The following DNAI1 variants were observed in gnomAD, a reference collection of about 807,000 sequenced individuals.
DNAI1 encodes dynein, axonemal, intermediate polypeptide 1.
A neutral mutation model predicts 92.0 loss-of-function variants in DNAI1; 67 were observed. The ratio of observed to expected loss-of-function variants is 0.73; its 90% CI spans 0.60 to 0.89. The LOEUF is 0.89. Among genes scored for constraint, DNAI1 ranks in the 40% least tolerant of loss-of-function variants. The probability of loss-of-function intolerance (pLI) is 0.00; values close to 1 mark genes in which losing one functional copy is unlikely to be tolerated. For missense variants in DNAI1, 839 were observed against 866.6 expected (o/e 0.97, Z 0.40); for synonymous variants, 323 against 319.6 (o/e 1.01, Z -0.11).
rs185722524 is a variant in DNAI1, at chr9:34,469,318, T to G, written c.48+10265T>G. ...TCCCACTCTGTCACCCAGGCTGGAG[T>G]GCAATGGCATGCTCACAGCTCACTG... is the stretch of plus-strand genomic sequence containing the variant. On this transcript the variant is annotated intron_variant, in intron 1 of 19. Transcript: ENST00000242317. Among the ~76,000 whole-genome samples, 13 of 133,312 alleles carry G rather than the reference T, an allele frequency of 9.8e-5. No individual in the cohort carries two copies. The East Asian group carries it at 3.1e-3, about 31-fold the overall frequency. The allele number at this position is 133,312 out of a possible 152,430, so 87.5% of individuals were successfully genotyped here.
chr9:34,507,192 C>T (rs926808676), intron 13 of DNAI1, among the ~76,000 whole-genome samples: 3 of 152,176 alleles, frequency 2.0e-5, no homozygotes, highest in African/African-American at 4.8e-5. Flanking sequence ...TGACAGGCTC[C>T]AGCTGAGTAC....
chr9:34,480,373 G>A lies in DNAI1; in HGVS notation c.49-3075G>A, dbSNP rs368774662. Among the ~76,000 whole-genome samples, 13 of 149,844 alleles carry A rather than the reference G, an allele frequency of 8.7e-5. No homozygotes were observed. The East Asian group carries it at 1.8e-3, about 21-fold the overall frequency. On this transcript the variant is annotated intron_variant, in intron 1 of 19. Transcript: ENST00000242317. ...GCTCACTGCAACCCCTGCCTCCTGG[G>A]TTCAAGCGATTTTCTTGCCTCAGCC...
chr9:34,473,732 G>A (rs1824184536), intron 1 of DNAI1, among the ~76,000 whole-genome samples: 1 of 151,952 alleles, frequency 6.6e-6, no homozygotes, highest in African/African-American at 2.4e-5. Flanking sequence ...GGGTTAGTTG[G>A]TTGGTTGGTT....
rs201935680 is a variant in DNAI1, at chr9:34,489,349, T to C, written c.288T>C (p.Phe96=). Residue 96 remains phenylalanine, a synonymous_variant, in exon 5 of 20, where the codon TTT becomes TTC. Coordinates refer to ENST00000242317, the MANE Select transcript of DNAI1 (RefSeq NM_012144.4). The part of the protein sequence containing the change: ...FKEGTYKPIG[F]VNQLAVHYTQ... ...AAGGCACATATAAGCCTATTGGCTT[T>C]GTGAACCAACTGGCAGTTCACTACA... 1.9e-6 allele frequency: 3 copies of C among 1,614,122 alleles called. No individual in the cohort carries two copies. The highest frequency in any genetic ancestry group is 2.5e-6 in the Non-Finnish European group (3 of 1,179,998).
At chr9:34,505,824 C>T (rs947330922) in intron 12 of DNAI1, among the ~76,000 whole-genome samples, 2 of 152,256 alleles carry the variant, frequency 1.3e-5, no homozygotes, top group African/African-American at 2.4e-5. Context: ...CCTTCCACCT[C>T]TCCAGCTTCG....
At chr9:34,518,202 G>C (rs1161019497) in intron 19 of DNAI1, among the ~76,000 whole-genome samples, 1 of 152,232 alleles carries the variant, frequency 6.6e-6, no homozygotes, top group Non-Finnish European at 1.5e-5. Context: ...TTTCTGCCAG[G>C]TTCTGGGCCA....
chr9:34,492,007 C>T (rs1199759008), intron 8 of DNAI1, among the ~76,000 whole-genome samples: 1 of 152,140 alleles, frequency 6.6e-6, no homozygotes, highest in Non-Finnish European at 1.5e-5. Flanking sequence ...CTTATTTGAA[C>T]AGGATATGGT....
intron 1 of DNAI1, among the ~76,000 whole-genome samples, chr9:34,480,283 T>TC (rs1332650847): frequency 3.1e-5 from 3 of 96,044 alleles, no homozygotes; most frequent in Admixed American, 2.4e-4. Context: ...TTTTTTTTTT[T>TC]TTTTTTTTTT....
chr9:34,471,451 AAAAAAAAAAAAG>A (rs1824131844), intron 1 of DNAI1, among the ~76,000 whole-genome samples: 1 of 150,608 alleles, frequency 6.6e-6, no homozygotes, highest in Non-Finnish European at 1.5e-5. Context: ...CCACCACAAA[AAAAAAAAAAAAG>A]AAAAGAAAAG....
intron 10 of DNAI1, among the ~76,000 whole-genome samples, chr9:34,500,424 T>A (rs1423564028): frequency 6.6e-6 from 1 of 152,184 alleles, no homozygotes; most frequent in Non-Finnish European, 1.5e-5. Flanking sequence ...GCTGCGAACC[T>A]GGGATTTTAT....
intron 4 of DNAI1, among the ~76,000 whole-genome samples, chr9:34,487,021 T>C (rs1443004384): frequency 6.6e-6 from 1 of 152,196 alleles, no homozygotes; most frequent in East Asian, 1.9e-4. Context: ...CATTCATCAG[T>C]TGATGTTCAT....
At chr9:34,494,767 A>T (rs1824682452) in intron 9 of DNAI1, among the ~76,000 whole-genome samples, 1 of 152,198 alleles carries the variant, frequency 6.6e-6, no homozygotes, top group South Asian at 2.1e-4. Context: ...GTACAAGCAG[A>T]TTCCAGCCCT....
At chr9:34,489,930 G>A (rs1824550967) in intron 5 of DNAI1, 82 bp from the exon 6 acceptor site, 1 of 1,571,596 alleles carries the variant, frequency 6.4e-7, no homozygotes, top group East Asian at 2.3e-5. Flanking sequence ...GAAAACCCCA[G>A]GCAGAAACCA....
chr9:34,484,156 A>G (rs1163292498), intron 2 of DNAI1, among the ~76,000 whole-genome samples: 1 of 152,230 alleles, frequency 6.6e-6, no homozygotes, highest in Non-Finnish European at 1.5e-5. Context: ...TGGAGGTTAT[A>G]GTGAGCCGAG....
intron 10 of DNAI1, among the ~76,000 whole-genome samples, chr9:34,500,179 A>G (rs976856087): frequency 2.0e-5 from 3 of 152,220 alleles, no homozygotes; most frequent in Admixed American, 2.0e-4. Flanking sequence ...AGAAAGTGGA[A>G]GGCAGAGACA....
At chr9:34,463,062 A>T (rs1164435253) in intron 1 of DNAI1, among the ~76,000 whole-genome samples, 1 of 152,228 alleles carries the variant, frequency 6.6e-6, no homozygotes, top group South Asian at 2.1e-4. Context: ...TCACAAGATT[A>T]TCATTTAAAT....
rs547949645 is a variant in DNAI1, at chr9:34,459,050, G to T, written c.45G>T (p.Lys15Asn). 15 of 1,614,104 alleles carry T rather than the reference G, an allele frequency of 9.3e-6. No individual in the cohort carries two copies. Among genetic ancestry groups the T allele is most frequent in the Middle Eastern group, 3.3e-4 (2 of 6,062 alleles). Reference protein sequence around the residue: ...SAKAPHKQPHKQSISIGRGTR... With the variant: ...SAKAPHKQPHNQSISIGRGTR... Reference sequence around the variant, plus strand: ...AGGCTCCCCATAAACAGCCTCATAAGCAGGTAACGTACGCACACCTTCCTT... The same window carrying T: ...AGGCTCCCCATAAACAGCCTCATAATCAGGTAACGTACGCACACCTTCCTT... Residue 15 changes from lysine to asparagine, a missense_variant, in exon 1 of 20, where the codon AAG (lysine) becomes AAT (asparagine). Lys to Asn is a moderately conservative substitution (Grantham distance 94). Coordinates refer to ENST00000242317, the MANE Select transcript of DNAI1 (RefSeq NM_012144.4).
In DNAI1 at chr9:34,485,237, T is replaced by A; in HGVS notation, c.177T>A (p.Asp59Glu). ...VRPPDQLELT[D>E]AELKEEFTRI... The stretch of plus-strand genomic sequence containing the variant: ...CCCCTGACCAGCTGGAGTTGACCGA[T>A]GCGGTGAGTGAGTAGCCTCTTGTTC... Residue 59 changes from aspartate (D) to glutamate (E), a missense_variant, in exon 3 of 20, where the codon GAT becomes GAA. Coordinates refer to ENST00000242317, the MANE Select transcript of DNAI1 (RefSeq NM_012144.4). 1 of 1,614,174 alleles carries A rather than the reference T, an allele frequency of 6.2e-7. No individual in the cohort carries two copies. The highest frequency in any genetic ancestry group is 8.5e-7 in the Non-Finnish European group (1 of 1,180,016).
At chr9:34,464,076 T>C (rs1037076193) in intron 1 of DNAI1, among the ~76,000 whole-genome samples, 1 of 152,148 alleles carries the variant, frequency 6.6e-6, no homozygotes, top group Non-Finnish European at 1.5e-5. Flanking sequence ...TAAATATCTC[T>C]CAAATTAAAC....
Sources: allele counts gnomAD v4.1 joint callset (sites outside exome capture counted in the v4.1 genomes callset), GRCh38; gene constraint gnomAD v4.1.1; transcripts MANE v1.5; gene names NCBI Gene and HGNC (gene_info 2026-07-23, HGNC 2026-07-21).